Variants in TMEM236 observed in about 807,000 individuals in gnomAD.
TMEM236 encodes family with sequence similarity 23, member A.
TMEM236 carries 11 observed loss-of-function variants against 14.7 expected under a neutral mutation model. The observed-to-expected ratio is 0.75, with a 90% CI of 0.47 to 1.24. The LOEUF is 1.24. TMEM236 is among the 50% of genes most tolerant of loss of function. The pLI is 0.00. For synonymous variants in TMEM236, 182 were observed against 168.6 expected (o/e 1.08, Z -0.62); for missense variants, 464 against 427.3 (o/e 1.09, Z -0.76).
intron 2 of TMEM236, among the ~76,000 whole-genome samples, chr10:17,775,573 C>T (rs1019897657): frequency 2.6e-5 from 4 of 152,246 alleles, no homozygotes; most frequent in Non-Finnish European, 4.4e-5. Context: ...CACACCTGGC[C>T]TTGCCGTAGC....
At chr10:17,780,406 C>T (rs1435167136) in intron 3 of TMEM236, among the ~76,000 whole-genome samples, 5 of 152,296 alleles carry the variant, frequency 3.3e-5, no homozygotes, top group East Asian at 1.9e-4. Context: ...CTTCAAGACT[C>T]ATTTGAATAG....
intron 3 of TMEM236, among the ~76,000 whole-genome samples, chr10:17,783,108 G>C (rs1837780806): frequency 6.6e-6 from 1 of 152,120 alleles, no homozygotes; most frequent in African/African-American, 2.4e-5. Context: ...CAGAAGCTGG[G>C]GATGGAGAGA....
chr10:17,754,728 A>G (rs1554833606), intron 1 of TMEM236, among the ~76,000 whole-genome samples: 2 of 152,308 alleles, frequency 1.3e-5, no homozygotes. Context: ...ATTTTAAATA[A>G]ATCAGGATTT....
intron 3 of TMEM236, among the ~76,000 whole-genome samples, chr10:17,795,529 A>G (rs2131770111): frequency 6.6e-6 from 1 of 152,346 alleles, no homozygotes; most frequent in South Asian, 2.1e-4. Context: ...CCAGGAAAAT[A>G]CCAAGACACC....
chr10:17,796,433 C>G lies in TMEM236; in HGVS notation c.985C>G (p.Leu329Val). ...CCTGTGTAAAAATATCCTCGTGACT[C>G]TCTCTTACATTTACTTCAATTACCT... ...LGLCKNILVT[L>V]SYIYFNYLTR... Residue 329 changes from leucine (L) to valine (V), a missense_variant, in exon 4 of 4, where the codon CTC (leucine) becomes GTC (valine). Leu to Val is a conservative substitution (Grantham distance 32). Coordinates refer to ENST00000377495, the MANE Select transcript of TMEM236 (RefSeq NM_001098844.3). 2 of 1,613,768 alleles carry G rather than the reference C, an allele frequency of 1.2e-6. No homozygotes were observed. The highest frequency in any genetic ancestry group is 1.7e-6 in the Non-Finnish European group (2 of 1,179,838).
At chr10:17,759,905 C>T (rs1015137336) in intron 1 of TMEM236, among the ~76,000 whole-genome samples, 4 of 145,856 alleles carry the variant, frequency 2.7e-5, no homozygotes, top group Non-Finnish European at 4.5e-5. Context: ...ATGGCGTGAA[C>T]CCGGGAGGCG....
rs1838040871 is a variant in TMEM236 at position 17,797,814 on chromosome 10, G to A, written c.*1310G>A. The A allele has an allele frequency of 6.6e-6, 1 of 152,074 alleles. No homozygotes were observed. Among genetic ancestry groups the A allele is most frequent in the South Asian group, 2.1e-4 (1 of 4,830 alleles). 9.4% of individuals were successfully genotyped at this position (152,074 alleles called of 1,614,324 possible). A position where few individuals can be genotyped will look rare whatever the true frequency, so the allele number is the denominator to read the frequency against. On this transcript the variant is annotated 3_prime_UTR_variant, in exon 4 of 4. Transcript: ENST00000377495. ...TGTTGTTTAGTATAATGAAGTCAAGGTACATCAGTAATACCAAGATAAAGT... is the reference window on the plus strand; with the variant it reads ...TGTTGTTTAGTATAATGAAGTCAAGATACATCAGTAATACCAAGATAAAGT...
At chr10:17,768,085 G>GTTTTTTTTTTTTTTTTTTTTTTTTTTTTT (rs1181734908) in intron 1 of TMEM236, among the ~76,000 whole-genome samples, 4 of 98,828 alleles carry the variant, frequency 4.0e-5, no homozygotes, top group African/African-American at 1.2e-4. Context: ...TAATTTTTGT[G>GTTTTTTTTTTTTTTTTTTTTTTTTTTTTT]GTTTTTTTTT....
chr10:17,796,665 T>TC lies in TMEM236; in HGVS notation c.*161_*162insC. ...ACTCTAGCATATCAGTTTTTTTTTT[T>TC]ACATATACAAATGGTGCTAAATTTA... On this transcript the variant is annotated 3_prime_UTR_variant, in exon 4 of 4. Coordinates refer to ENST00000377495, the MANE Select transcript of TMEM236 (RefSeq NM_001098844.3). 1.6e-6 allele frequency: 1 copy of TC among 642,088 alleles called. No homozygotes were observed. The allele number at this position is 642,088 out of a possible 1,614,324, so 39.8% of individuals were successfully genotyped here.
Position 17,796,661 on chromosome 10 carries a change from T to C in TMEM236, c.*157T>C. The C allele has an allele frequency of 1.5e-6, 1 of 648,238 alleles. No individual in the cohort carries two copies. 40.2% of individuals were successfully genotyped at this position (648,238 alleles called of 1,614,324 possible). On this transcript the variant is annotated 3_prime_UTR_variant, in exon 4 of 4. Coordinates refer to ENST00000377495, the MANE Select transcript of TMEM236 (RefSeq NM_001098844.3). ...ACTAACTCTAGCATATCAGTTTTTT[T>C]TTTTACATATACAAATGGTGCTAAA...
chr10:17,753,341 A>G (rs890745191), intron 1 of TMEM236, among the ~76,000 whole-genome samples: 19 of 152,210 alleles, frequency 1.2e-4, no homozygotes, highest in African/African-American at 3.9e-4. Flanking sequence ...AGATTATTTC[A>G]TCACCCAGGT....
chr10:17,793,242 C>G (rs1314668030), intron 3 of TMEM236, among the ~76,000 whole-genome samples: 1 of 152,178 alleles, frequency 6.6e-6, no homozygotes, highest in Non-Finnish European at 1.5e-5. Flanking sequence ...TTAAGACTCT[C>G]CCTGACTGTT....
At chr10:17,785,752 G>T (rs1013902618) in intron 3 of TMEM236, among the ~76,000 whole-genome samples, 6 of 151,938 alleles carry the variant, frequency 3.9e-5, no homozygotes, top group African/African-American at 1.5e-4. Context: ...ACCGGGGGGG[G>T]ATATTTCCTT....
Position 17,796,656 on chromosome 10 carries a change from T to G in TMEM236, c.*152T>G. ...TTTTTACTAACTCTAGCATATCAGT[T>G]TTTTTTTTTACATATACAAATGGTG... On this transcript the variant is annotated 3_prime_UTR_variant, in exon 4 of 4. Coordinates refer to ENST00000377495, the MANE Select transcript of TMEM236 (RefSeq NM_001098844.3). 1.5e-6 allele frequency: 1 copy of G among 653,850 alleles called. No individual in the cohort carries two copies. Among genetic ancestry groups the G allele is most frequent in the Non-Finnish European group, 2.6e-6 (1 of 386,570 alleles). 40.5% of individuals were successfully genotyped at this position (653,850 alleles called of 1,614,324 possible). A position where few individuals can be genotyped will look rare whatever the true frequency, so the allele number is the denominator to read the frequency against.
At chr10:17,787,797 C>T (rs1038206909) in intron 3 of TMEM236, among the ~76,000 whole-genome samples, 7 of 152,194 alleles carry the variant, frequency 4.6e-5, no homozygotes, top group East Asian at 1.9e-4. Flanking sequence ...ACCAGGCTGA[C>T]GGAGGTTCTT....
chr10:17,783,132 G>A (rs1837781230), intron 3 of TMEM236, among the ~76,000 whole-genome samples: 1 of 152,142 alleles, frequency 6.6e-6, no homozygotes, highest in African/African-American at 2.4e-5. Context: ...AACTGCCTCT[G>A]GATGGGAGCC....
Position 17,796,571 on chromosome 10 carries a change from T to G in TMEM236, c.*67T>G. 7.2e-7 allele frequency: 1 copy of G among 1,393,478 alleles called. No individual in the cohort carries two copies. The highest frequency in any genetic ancestry group is 2.3e-5 in the East Asian group (1 of 43,856). The allele number at this position is 1,393,478 out of a possible 1,614,324, so 86.3% of individuals were successfully genotyped here. The stretch of plus-strand genomic sequence containing the variant: ...GTGCACATTTGTAATCCTTCTTTTT[T>G]TCTTGGGGCGTAGGTGTTTGCACTA... On this transcript the variant is annotated 3_prime_UTR_variant, in exon 4 of 4. Transcript: ENST00000377495.
chr10:17,760,373 G>A (rs913179844), intron 1 of TMEM236, among the ~76,000 whole-genome samples: 23 of 150,464 alleles, frequency 1.5e-4, no homozygotes, highest in Non-Finnish European at 2.8e-4. Context: ...TGATTTACGA[G>A]TTCTGTAAAC....
chr10:17,790,813 A>G (rs953154607), intron 3 of TMEM236, among the ~76,000 whole-genome samples: 15 of 152,308 alleles, frequency 9.8e-5, no homozygotes, highest in Admixed American at 6.5e-5. Flanking sequence ...GATTACCCTA[A>G]GACTAGCCAT....
Sources: gnomAD v4.1 joint callset for allele counts (sites outside exome capture counted in the v4.1 genomes callset) on GRCh38, gnomAD v4.1.1 for gene constraint, MANE v1.5 for transcripts, NCBI Gene and HGNC (gene_info 2026-07-23, HGNC 2026-07-21) for gene names.